EXOC2: variants seen among roughly 807,000 people sequenced by gnomAD.
EXOC2 encodes the protein SEC5-like 1.
EXOC2 carries 70 observed loss-of-function variants against 131.8 expected under a neutral mutation model. The observed-to-expected ratio is 0.53, with a 90% CI of 0.44 to 0.65. The LOEUF is 0.65. EXOC2 is among the 30% of genes least tolerant of loss of function. The pLI is 0.00. For synonymous variants in EXOC2, 411 were observed against 398.4 expected (o/e 1.03, Z -0.38); for missense variants, 923 against 1,108.6 (o/e 0.83, Z 2.38).
At chr6:535,896 AAACT>A (rs1403029248) in intron 22 of EXOC2, among the ~76,000 whole-genome samples, 1 of 152,256 alleles carries the variant, frequency 6.6e-6, no homozygotes, top group Admixed American at 6.5e-5. Context: ...AAACCCAAAC[AAACT>A]ATTGGCAAAT....
intron 6 of EXOC2, among the ~76,000 whole-genome samples, chr6:613,052 C>T (rs1052338774): frequency 3.3e-5 from 5 of 152,168 alleles, no homozygotes; most frequent in Non-Finnish European, 7.3e-5. Context: ...AACCTCACCA[C>T]CACCCAGGAG....
intron 1 of EXOC2, among the ~76,000 whole-genome samples, chr6:685,152 A>AC (rs71307167): frequency 4.0e-5 from 6 of 151,368 alleles, no homozygotes; most frequent in African/African-American, 9.7e-5. Context: ...ACACACACAC[A>AC]ACCCTCCCAA....
intron 7 of EXOC2, among the ~76,000 whole-genome samples, chr6:604,461 C>T (rs17755910): frequency 0.1 from 15,569 of 152,180 alleles, 1,104 homozygotes; most frequent in Middle Eastern, 0.15. Context: ...TTGCCTCTGG[C>T]GTACCTCCCT....
intron 1 of EXOC2, among the ~76,000 whole-genome samples, 179 bp downstream of exon 1, chr6:692,840 G>A (rs1765009818): frequency 6.6e-6 from 1 of 152,126 alleles, no homozygotes; most frequent in Admixed American, 6.5e-5. Flanking sequence ...GGGGATGGGG[G>A]CTGCGGGGCT....
chr6:620,499 A>C (rs1561934779), intron 4 of EXOC2, among the ~76,000 whole-genome samples: 1 of 152,218 alleles, frequency 6.6e-6, no homozygotes, highest in Non-Finnish European at 1.5e-5. Flanking sequence ...AACACTGGAC[A>C]AGCCCAACTC....
chr6:680,095 C>T (rs1562008291), intron 1 of EXOC2, among the ~76,000 whole-genome samples: 1 of 152,064 alleles, frequency 6.6e-6, no homozygotes, highest in Non-Finnish European at 1.5e-5. Context: ...CCTCCAAGTT[C>T]CCATCACCCA....
intron 2 of EXOC2, among the ~76,000 whole-genome samples, chr6:634,127 G>A (rs1445147686): frequency 3.3e-5 from 5 of 151,902 alleles, no homozygotes; most frequent in South Asian, 2.1e-4. Flanking sequence ...ATGCAGTGGC[G>A]TGATCTTGGC....
intron 11 of EXOC2, among the ~76,000 whole-genome samples, chr6:583,403 G>A (rs1040043498): frequency 6.6e-6 from 1 of 152,088 alleles, no homozygotes; most frequent in Admixed American, 6.5e-5. Flanking sequence ...AAATTGACAA[G>A]GTCCTTTTCA....
intron 1 of EXOC2, among the ~76,000 whole-genome samples, chr6:686,184 A>C (rs555984765): frequency 6.6e-6 from 1 of 151,756 alleles, no homozygotes; most frequent in Non-Finnish European, 1.5e-5. Context: ...GGATGGTCTC[A>C]AACTCCTGAC....
rs1161735573 is a variant in EXOC2 at position 667,795 on chromosome 6, G to A, written c.-44+25224C>T. On this transcript the variant is annotated intron_variant, in intron 1 of 27. Transcript: ENST00000230449. ...GGCTTCTCTGATTCTGTGGCTTGCCGACGCCTGTCATGGGACTTCTCAGCC... is the reference window on the plus strand; with the variant it reads ...GGCTTCTCTGATTCTGTGGCTTGCCAACGCCTGTCATGGGACTTCTCAGCC... 7.0e-4 allele frequency among the ~76,000 whole-genome samples: 105 copies of A among 149,288 alleles called. 26 individuals carry two copies. Among genetic ancestry groups the A allele is most frequent in the African/African-American group, 2.5e-3 (100 of 40,628 alleles).
chr6:641,074 G>A (rs1051163869), intron 1 of EXOC2, among the ~76,000 whole-genome samples: 3 of 152,052 alleles, frequency 2.0e-5, no homozygotes, highest in African/African-American at 7.2e-5. Context: ...ACTGACCACC[G>A]GTTTAAACAA....
intron 1 of EXOC2, chr6:669,177 G>C (rs1044732619): frequency 2.6e-5 from 4 of 152,320 alleles, no homozygotes; most frequent in African/African-American, 4.8e-5. Flanking sequence ...GAAATGCAGC[G>C]AGCACAGCTT....
chr6:611,844 C>CA (rs989638235), intron 6 of EXOC2, among the ~76,000 whole-genome samples: 1 of 151,082 alleles, frequency 6.6e-6, no homozygotes, highest in Non-Finnish European at 1.5e-5. Flanking sequence ...ATTTGAGAAA[C>CA]AAAAAAAAGT....
At chr6:571,477 A>G (rs1758274474) in intron 13 of EXOC2, among the ~76,000 whole-genome samples, 2 of 152,226 alleles carry the variant, frequency 1.3e-5, no homozygotes, top group African/African-American at 4.8e-5. Context: ...CAAAGAAAAA[A>G]GTTCCAGAGC....
chr6:640,722 A>C (rs373077790), intron 1 of EXOC2, among the ~76,000 whole-genome samples: 1 of 152,126 alleles, frequency 6.6e-6, no homozygotes, highest in East Asian at 1.9e-4. Flanking sequence ...AGAGGCCTAA[A>C]ACAGATCATT....
rs201569402 is a variant in EXOC2, at chr6:564,010, G to A, written c.1789+23C>T. On this transcript the variant is annotated intron_variant, in intron 16 of 27. Coordinates refer to ENST00000230449, the MANE Select transcript of EXOC2 (RefSeq NM_018303.6). ...TTCAGATAATCATTGCACAGTGAACGTCACCGATTTATCAAAACACACCTT... is the reference window on the plus strand; with the variant it reads ...TTCAGATAATCATTGCACAGTGAACATCACCGATTTATCAAAACACACCTT... The A allele has an allele frequency of 1.9e-5, 30 of 1,611,226 alleles. No individual in the cohort carries two copies. The Admixed American group carries it at 2.9e-4, about 15-fold the overall frequency.
chr6:625,387 G>C (rs571872266), intron 4 of EXOC2, among the ~76,000 whole-genome samples: 1 of 152,254 alleles, frequency 6.6e-6, no homozygotes, highest in Non-Finnish European at 1.5e-5. Context: ...AAGACGGAGG[G>C]GGGAGGCCAA....
chr6:621,895 CTT>C (rs1319812959), intron 4 of EXOC2, among the ~76,000 whole-genome samples: 1 of 152,178 alleles, frequency 6.6e-6, no homozygotes, highest in Non-Finnish European at 1.5e-5. Context: ...GTTTTTCTCA[CTT>C]TATTTATCTG....
At chr6:617,564 C>G (rs1449996809) in intron 6 of EXOC2, 147 bp downstream of exon 6, 1 of 1,141,838 alleles carries the variant, frequency 8.8e-7, no homozygotes, top group Non-Finnish European at 1.2e-6. Context: ...GAGATGCCAG[C>G]CTACTCTGCA....
Sources: allele counts gnomAD v4.1 joint callset (sites outside exome capture counted in the v4.1 genomes callset), GRCh38; gene constraint gnomAD v4.1.1; transcripts MANE v1.5; gene names NCBI Gene and HGNC (gene_info 2026-07-23, HGNC 2026-07-21).